TRIM62: variants seen among roughly 807,000 people sequenced by gnomAD.
TRIM62 encodes tripartite motif containing 62.
Under a neutral mutation model 44.2 loss-of-function variants are expected in TRIM62, and 39 were observed. The ratio of observed to expected loss-of-function variants is 0.88; its 90% CI spans 0.68 to 1.15. The LOEUF is 1.15. Among genes scored for constraint, TRIM62 ranks in the 50% most tolerant of loss-of-function variants. The pLI, the probability that TRIM62 is intolerant of heterozygous loss-of-function variation, is 0.00. For missense variants in TRIM62, 544 were observed against 665.5 expected, an observed-to-expected ratio of 0.82 and a Z score of 2.01; for synonymous variants, 278 against 292.3, an observed-to-expected ratio of 0.95 and a Z score of 0.50.
At position 33,165,458 on chromosome 1, in the gene TRIM62, C is replaced by T. The variant is rs766563870; in HGVS notation, c.504+13G>A. The T allele has an allele frequency of 1.3e-6, 2 of 1,580,926 alleles. No individual in the cohort carries two copies. The highest frequency in any genetic ancestry group is 1.1e-5 in the South Asian group (1 of 86,990). ...CTCTGCCGGCCCCACCTCCGCGCCC[C>T]GGCCAGGCTCACCTTGGTCTCCGCC... On this transcript the variant is annotated intron_variant, in intron 2 of 4. Transcript: ENST00000291416. The surrounding 1 kb of genome is among the most constrained non-coding windows in gnomAD (Gnocchi z 4.0).
At position 33,146,131 on chromosome 1, in the gene TRIM62, G is replaced by C. The variant is rs149290347; in HGVS notation, c.*1046C>G. On this transcript the variant is annotated 3_prime_UTR_variant, in exon 5 of 5. Coordinates refer to ENST00000291416, the MANE Select transcript of TRIM62 (RefSeq NM_018207.3). The stretch of plus-strand genomic sequence containing the variant: ...ATGAATCTGGCGCTGGGAGTTCCTG[G>C]AAATTCAGCAGAGTCTGCTTCTCCA... The C allele has an allele frequency of 1.1e-5, 3 of 263,496 alleles. No individual in the cohort carries two copies. The highest frequency in any genetic ancestry group is 2.3e-5 in the African/African-American group (1 of 44,326). 16.3% of individuals were successfully genotyped at this position (263,496 alleles called of 1,614,324 possible).
chr1:33,179,934 T>G (rs930436218), intron 1 of TRIM62, among the ~76,000 whole-genome samples: 6 of 152,224 alleles, frequency 3.9e-5, no homozygotes, highest in African/African-American at 1.4e-4. Context: ...AAAAATATAC[T>G]ATATTTCCCA....
At position 33,159,918 on chromosome 1, in the gene TRIM62, A is replaced by G. The variant is rs769227833; in HGVS notation, c.531T>C (p.Thr177=). The G allele has an allele frequency of 1.2e-6, 2 of 1,606,316 alleles. No individual in the cohort carries two copies. The highest frequency in any genetic ancestry group is 8.5e-7 in the Non-Finnish European group (1 of 1,179,852). Residue 177 remains threonine, a synonymous_variant, in exon 3 of 5, where the codon ACT becomes ACC. Coordinates refer to ENST00000291416, the MANE Select transcript of TRIM62 (RefSeq NM_018207.3). This position sits in a 1 kb window ranked among gnomAD's most constrained non-coding sequence, Gnocchi z 4.2. ...GCAGCCGCTCGAAGGCCTCGCCGAT[A>G]GTGGTCCGCAGGCTCTTGGTGGAAG... is the stretch of plus-strand genomic sequence containing the variant. The part of the protein sequence containing the change: ...TKSSTKSLRT[T]IGEAFERLHR...
At position 33,161,424 on chromosome 1, in the gene TRIM62, G is replaced by A. The variant is rs1645265293; in HGVS notation, c.505-1480C>T. On this transcript the variant is annotated intron_variant, in intron 2 of 4. Coordinates refer to ENST00000291416, the MANE Select transcript of TRIM62 (RefSeq NM_018207.3). This position sits in a 1 kb window ranked among gnomAD's most constrained non-coding sequence, Gnocchi z 4.3. ...GGGATTCTGGCTGGGAGTTCATGGA[G>A]TCAGAAACCCCACTGTGTTCAGTGC... Among the ~76,000 whole-genome samples the A allele has an allele frequency of 1.3e-5, 2 of 152,152 alleles. No individual in the cohort carries two copies. Among genetic ancestry groups the A allele is most frequent in the South Asian group, 4.1e-4 (2 of 4,830 alleles).
Position 33,148,572 on chromosome 1 carries a change from A to G in TRIM62, c.878-845T>C, listed in dbSNP as rs532475527. On this transcript the variant is annotated intron_variant, in intron 4 of 4. Transcript: ENST00000291416. ...ACCTGGCTGCTTTGTTAGGTTTTCT[A>G]GTGTGATTGTGGGTGAGCATCTACA... Among the ~76,000 whole-genome samples the G allele has an allele frequency of 2.3e-3, 349 of 152,294 alleles. 3 individuals carry two copies. The highest frequency in any genetic ancestry group is 3.7e-3 in the Admixed American group (57 of 15,300).
At chr1:33,163,515 T>A (rs1422105861) in intron 2 of TRIM62, 1 of 152,218 alleles carries the variant, frequency 6.6e-6, no homozygotes, top group Non-Finnish European at 1.5e-5. Flanking sequence ...GTGCACCCCA[T>A]TTATTCTAGT....
At chr1:33,158,812 A>C (rs188114036) in intron 3 of TRIM62, among the ~76,000 whole-genome samples, 2 of 152,114 alleles carry the variant, frequency 1.3e-5, no homozygotes, top group East Asian at 3.9e-4. Context: ...CAACTGATGT[A>C]GCTTTTCAGA....
chr1:33,180,457 C>T (rs1645451568), intron 1 of TRIM62, among the ~76,000 whole-genome samples: 1 of 152,138 alleles, frequency 6.6e-6, no homozygotes, highest in Non-Finnish European at 1.5e-5. Flanking sequence ...GGCACCCTAA[C>T]TTATACCACT....
At chr1:33,149,496 C>T (rs1008710730) in intron 4 of TRIM62, among the ~76,000 whole-genome samples, 2 of 152,028 alleles carry the variant, frequency 1.3e-5, no homozygotes, top group African/African-American at 4.8e-5. Flanking sequence ...ACTCTGCCAC[C>T]CAGGCTGGAG....
intron 1 of TRIM62, among the ~76,000 whole-genome samples, chr1:33,180,273 C>A (rs1645450445): frequency 6.6e-6 from 1 of 152,122 alleles, no homozygotes; most frequent in Non-Finnish European, 1.5e-5. Flanking sequence ...AATCACCTTA[C>A]ATCTGGGCCT....
In TRIM62 at chr1:33,165,591, G is replaced by C. The variant is rs781113033; in HGVS notation, c.409-25C>G. ...TCTGAAACACACACAGGGCCGGGAT[G>C]GGGGCAGGGGCCATGCCTGGCCCAG... On this transcript the variant is annotated intron_variant, in intron 1 of 4. Transcript: ENST00000291416. This position sits in a 1 kb window ranked among gnomAD's most constrained non-coding sequence, Gnocchi z 4.0. 1.3e-6 allele frequency: 2 copies of C among 1,581,790 alleles called. No homozygotes were observed. The highest frequency in any genetic ancestry group is 8.6e-7 in the Non-Finnish European group (1 of 1,160,778).
intron 1 of TRIM62, among the ~76,000 whole-genome samples, chr1:33,172,884 C>T (rs1645384969): frequency 6.6e-6 from 1 of 152,226 alleles, no homozygotes; most frequent in Non-Finnish European, 1.5e-5. Context: ...GACAGCATGA[C>T]TTTCGCTCAG....
chr1:33,165,417 G>A lies in TRIM62; in HGVS notation c.504+54C>T, dbSNP rs1372143075. 1.4e-6 allele frequency: 2 copies of A among 1,448,014 alleles called. No homozygotes were observed. The highest frequency in any genetic ancestry group is 1.9e-6 in the Non-Finnish European group (2 of 1,073,276). 89.7% of individuals were successfully genotyped at this position (1,448,014 alleles called of 1,614,324 possible). On this transcript the variant is annotated intron_variant, in intron 2 of 4. Transcript: ENST00000291416. This position sits in a 1 kb window ranked among gnomAD's most constrained non-coding sequence, Gnocchi z 4.0. Reference sequence around the variant, plus strand: ...TCTTCCCCAGCTGGCCCCGCCCCTCGAAGCCCTGCCCTCATCTCTGCCGGC... The same window carrying A: ...TCTTCCCCAGCTGGCCCCGCCCCTCAAAGCCCTGCCCTCATCTCTGCCGGC...
intron 4 of TRIM62, among the ~76,000 whole-genome samples, chr1:33,152,757 G>C (rs766975707): frequency 8.7e-4 from 133 of 152,246 alleles, no homozygotes; most frequent in Non-Finnish European, 4.6e-4. Context: ...AGGAAACTGG[G>C]GCTCTGAGAG....
intron 1 of TRIM62, among the ~76,000 whole-genome samples, chr1:33,166,947 T>C (rs766146070): frequency 2.0e-5 from 3 of 152,192 alleles, no homozygotes; most frequent in Non-Finnish European, 4.4e-5. Flanking sequence ...TTCATCTTGA[T>C]TGCTGAGTTT....
At position 33,159,986 on chromosome 1, in the gene TRIM62, A is replaced by T; in HGVS notation, c.505-42T>A. The T allele has an allele frequency of 1.3e-6, 2 of 1,583,760 alleles. No homozygotes were observed. Among genetic ancestry groups the T allele is most frequent in the Non-Finnish European group, 1.7e-6 (2 of 1,167,266 alleles). On this transcript the variant is annotated intron_variant, in intron 2 of 4. Transcript: ENST00000291416. The surrounding 1 kb of genome is among the most constrained non-coding windows in gnomAD (Gnocchi z 4.2). Reference sequence around the variant, plus strand: ...TCAGGGGTTATGGCTGGGGGAGCAGATGGGGTGATCTCTGGGTGAGAGGAG... The same window carrying T: ...TCAGGGGTTATGGCTGGGGGAGCAGTTGGGGTGATCTCTGGGTGAGAGGAG...
In TRIM62 at chr1:33,171,907, G is replaced by C. The variant is rs1473951523; in HGVS notation, c.409-6341C>G. 2.0e-5 allele frequency among the ~76,000 whole-genome samples: 3 copies of C among 152,112 alleles called. No individual in the cohort carries two copies. The East Asian group carries it at 5.8e-4, about 29-fold the overall frequency. On this transcript the variant is annotated intron_variant, in intron 1 of 4. Transcript: ENST00000291416. ...AGTGATACTCCTGCCTCAGCCTCCT[G>C]AGTAGCTGGGATTATAGGCGCCCGA...
intron 4 of TRIM62, among the ~76,000 whole-genome samples, chr1:33,151,150 G>C (rs35111341): frequency 0.22 from 33,752 of 152,052 alleles, 3,842 homozygotes; most frequent in South Asian, 0.3. Flanking sequence ...GCTCTCCGTG[G>C]GTCTGAGACC....
At chr1:33,157,913 T>C (rs970207639) in intron 4 of TRIM62, among the ~76,000 whole-genome samples, 1 of 152,060 alleles carries the variant, frequency 6.6e-6, no homozygotes, top group Non-Finnish European at 1.5e-5. Context: ...CACGCCACCA[T>C]GCCCAGCTAA....
Sources: gnomAD v4.1 joint callset for allele counts (sites outside exome capture counted in the v4.1 genomes callset) on GRCh38, gnomAD v4.1.1 for gene constraint, Gnocchi (gnomAD v3.1) non-coding constraint, MANE v1.5 for transcripts, NCBI Gene and HGNC (gene_info 2026-07-23, HGNC 2026-07-21) for gene names.